The following MPDZ variants were observed in gnomAD, a reference collection of about 807,000 sequenced individuals.
The protein encoded by MPDZ is multiple PDZ domain protein.
Under a neutral mutation model 239.1 loss-of-function variants are expected in MPDZ, and 234 were observed. The observed-to-expected ratio is 0.98, with a 90% CI of 0.88 to 1.09. The LOEUF (loss-of-function observed/expected upper bound fraction) is 1.09. Among genes scored for constraint, MPDZ ranks in the 50% least tolerant of loss-of-function variants. The pLI, the probability that MPDZ is intolerant of heterozygous loss-of-function variation, is 0.00. For missense variants in MPDZ, 3,175 were observed against 2,510.0 expected (o/e 1.26, Z -5.66); for synonymous variants, 1,048 against 881.3 (o/e 1.19, Z -3.35).
rs377708821 is a variant in MPDZ, at chr9:13,221,444, T to C, written c.804A>G (p.Gly268=). The C allele has an allele frequency of 6.2e-7, 1 of 1,611,374 alleles. No homozygotes were observed. The highest frequency in any genetic ancestry group is 8.5e-7 in the Non-Finnish European group (1 of 1,178,406). ...IELVNDGSGL[G]FGIIGGKATG... Reference sequence around the variant, plus strand: ...TTGCTTTTCCTCCTATGATGCCAAATCCCAAACCAGATCCATCATTCACCA... The same window carrying C: ...TTGCTTTTCCTCCTATGATGCCAAACCCCAAACCAGATCCATCATTCACCA... The change falls in exon 7 of 47, where the codon GGA becomes GGG. Residue 268 remains glycine (G), a synonymous_variant. Transcript: ENST00000319217.
At chr9:13,250,724 T>C (rs911380130) in intron 1 of MPDZ, among the ~76,000 whole-genome samples, 4 of 150,976 alleles carry the variant, frequency 2.6e-5, no homozygotes, top group African/African-American at 9.8e-5. Flanking sequence ...AGGAGCTTAC[T>C]TAACTCCACA....
rs1264673315 is a variant in MPDZ at position 13,119,605 on chromosome 9, A to G, written c.5276T>C (p.Ile1759Thr). The change falls in exon 39 of 47, where the codon ATT (isoleucine) becomes ACT (threonine). Residue 1759 changes from isoleucine (I) to threonine (T), a missense_variant. Transcript: ENST00000319217. ...CATCAGTCTTCCATCGGCATCTGCA[A>G]TTCCTCCTTTGACAATGTCTGACAC... is the stretch of plus-strand genomic sequence containing the variant. Reference protein sequence around the residue: ...VFVSDIVKGGIADADGRLMQG... With the variant: ...VFVSDIVKGGTADADGRLMQG... 6.2e-7 allele frequency: 1 copy of G among 1,613,834 alleles called. No homozygotes were observed. Among genetic ancestry groups the G allele is most frequent in the Admixed American group, 1.7e-5 (1 of 60,002 alleles).
rs567260510 is a variant in MPDZ, at chr9:13,106,071, T to C, written c.*894A>G. ...TCTCTGTCATTAAGATTAATATGAA[T>C]TGAAAACCAATTGCACAGCACACTA... On this transcript the variant is annotated 3_prime_UTR_variant, in exon 47 of 47. Coordinates refer to ENST00000319217, the MANE Select transcript of MPDZ (RefSeq NM_001378778.1). 1.2e-4 allele frequency: 19 copies of C among 152,308 alleles called. No individual in the cohort carries two copies. In the South Asian group the frequency reaches 1.4e-3, roughly 12 times the overall value. 9.4% of individuals were successfully genotyped at this position (152,308 alleles called of 1,614,324 possible).
At chr9:13,231,028 A>G (rs1441780151) in intron 3 of MPDZ, among the ~76,000 whole-genome samples, 4 of 152,148 alleles carry the variant, frequency 2.6e-5, no homozygotes, top group African/African-American at 9.7e-5. Flanking sequence ...TCAACAAAAC[A>G]GGAAAATGAT....
chr9:13,266,570 G>C (rs1300041312), intron 1 of MPDZ, among the ~76,000 whole-genome samples: 1 of 152,086 alleles, frequency 6.6e-6, no homozygotes, highest in African/African-American at 2.4e-5. Context: ...TTAATTATTT[G>C]AAGATGTAAG....
intron 1 of MPDZ, among the ~76,000 whole-genome samples, chr9:13,252,630 C>G (rs780067154): frequency 1.5e-4 from 22 of 149,738 alleles, no homozygotes; most frequent in Non-Finnish European, 2.7e-4. Flanking sequence ...CAGCAAATAA[C>G]TTGAGCTCAG....
intron 1 of MPDZ, among the ~76,000 whole-genome samples, chr9:13,266,698 C>T (rs1472856326): frequency 1.3e-5 from 2 of 152,040 alleles, no homozygotes; most frequent in East Asian, 1.9e-4. Context: ...TAACTCAGAC[C>T]TTTTATTAAG....
chr9:13,196,750 T>G (rs1211449571), intron 12 of MPDZ, among the ~76,000 whole-genome samples: 1 of 152,030 alleles, frequency 6.6e-6, no homozygotes, highest in Non-Finnish European at 1.5e-5. Context: ...AGCCTATTAA[T>G]TGGTATCTCA....
In MPDZ at chr9:13,109,401, T is replaced by C. The variant is rs187368511; in HGVS notation, c.5943-342A>G. ...GAGGGCTAAAGTTCAGGGGACTATA[T>C]TAGAATAAGTCATAAACATCAGTAC... On this transcript the variant is annotated intron_variant, in intron 45 of 46. Transcript: ENST00000319217. 6.6e-5 allele frequency among the ~76,000 whole-genome samples: 10 copies of C among 152,276 alleles called. No homozygotes were observed. The East Asian group carries it at 1.5e-3, about 24-fold the overall frequency.
intron 5 of MPDZ, among the ~76,000 whole-genome samples, chr9:13,222,913 C>T (rs1225597343): frequency 1.3e-5 from 2 of 151,726 alleles, no homozygotes; most frequent in African/African-American, 4.8e-5. Context: ...AACTGGGGAT[C>T]ACATCCATAG....
chr9:13,206,910 C>G (rs1353309211), intron 10 of MPDZ, among the ~76,000 whole-genome samples: 2 of 152,024 alleles, frequency 1.3e-5, no homozygotes, highest in African/African-American at 4.8e-5. Flanking sequence ...AACTCCAGGG[C>G]TCAAGGGATC....
At chr9:13,217,106 A>T (rs1958444086) in intron 9 of MPDZ, 74 bp downstream of exon 9, 2 of 1,079,252 alleles carry the variant, frequency 1.9e-6, no homozygotes. Context: ...TGTAATATCA[A>T]CTCAATATTT....
At chr9:13,142,548 A>T (rs10756456) in intron 27 of MPDZ, among the ~76,000 whole-genome samples, 5 of 151,878 alleles carry the variant, frequency 3.3e-5, no homozygotes, top group Admixed American at 6.6e-5. Flanking sequence ...ACTCCATGCC[A>T]TGTATGTATA....
chr9:13,264,873 G>T (rs1207671304), intron 1 of MPDZ, among the ~76,000 whole-genome samples: 2 of 152,182 alleles, frequency 1.3e-5, no homozygotes, highest in Non-Finnish European at 2.9e-5. Context: ...GGCCTCTTCT[G>T]TTCTCTCACT....
At chr9:13,150,177 C>G (rs1220662265) in intron 25 of MPDZ, among the ~76,000 whole-genome samples, 1 of 151,762 alleles carries the variant, frequency 6.6e-6, no homozygotes, top group Middle Eastern at 3.2e-3. Context: ...AATTATTTTA[C>G]CTTGGAGCCA....
Position 13,215,028 on chromosome 9 carries a change from A to G in MPDZ, c.1290+1746T>C, listed in dbSNP as rs192345029. Reference sequence around the variant, plus strand: ...TTACCCATTTTGAATAGTACAATTCAATAGTGCTAAGTATATTCACATCAT... The same window carrying G: ...TTACCCATTTTGAATAGTACAATTCGATAGTGCTAAGTATATTCACATCAT... On this transcript the variant is annotated intron_variant, in intron 10 of 46. Coordinates refer to ENST00000319217, the MANE Select transcript of MPDZ (RefSeq NM_001378778.1). Among the ~76,000 whole-genome samples, 221 of 152,142 alleles carry G rather than the reference A, an allele frequency of 1.5e-3. 1 individual carries two copies. Among genetic ancestry groups the G allele is most frequent in the Admixed American group, 0.014 (212 of 15,256 alleles).
At chr9:13,132,099 T>C (rs1037136548) in intron 32 of MPDZ, among the ~76,000 whole-genome samples, 6 of 152,216 alleles carry the variant, frequency 3.9e-5, no homozygotes, top group Non-Finnish European at 5.9e-5. Flanking sequence ...GGGCAATACA[T>C]TGAGGTTCTC....
chr9:13,250,635 C>T (rs943319322), intron 1 of MPDZ, among the ~76,000 whole-genome samples: 9 of 152,124 alleles, frequency 5.9e-5, no homozygotes, highest in Non-Finnish European at 1.3e-4. Context: ...GCAGAAGTTT[C>T]AAACATATTT....
intron 1 of MPDZ, among the ~76,000 whole-genome samples, chr9:13,255,450 T>G (rs758351229): frequency 2.1e-4 from 32 of 152,234 alleles, no homozygotes; most frequent in Non-Finnish European, 4.6e-4. Context: ...CCATTTACTT[T>G]GCCCTAATGT....
Sources: gnomAD v4.1 joint callset for allele counts (sites outside exome capture counted in the v4.1 genomes callset) on GRCh38, gnomAD v4.1.1 for gene constraint, MANE v1.5 for transcripts, NCBI Gene and HGNC (gene_info 2026-07-23, HGNC 2026-07-21) for gene names.